HTR1F: variants seen among roughly 807,000 people sequenced by gnomAD.
The protein encoded by HTR1F is 5-hydroxytryptamine receptor 1F.
A neutral mutation model predicts 24.0 loss-of-function variants in HTR1F; 17 were observed. The ratio of observed to expected loss-of-function variants is 0.71; its 90% CI spans 0.48 to 1.06. The LOEUF (loss-of-function observed/expected upper bound fraction) is 1.06, where lower values mean the gene tolerates loss of function less well. Among genes scored for constraint, HTR1F ranks in the 50% least tolerant of loss-of-function variants. HTR1F has a pLI of 0.00. For missense variants in HTR1F, 391 were observed against 427.8 expected (o/e 0.91, Z 0.76); for synonymous variants, 186 against 156.8 (o/e 1.19, Z -1.39).
chr3:87,904,980 T>C (rs1353388995), intron 2 of HTR1F, among the ~76,000 whole-genome samples: 2 of 152,082 alleles, frequency 1.3e-5, no homozygotes, highest in African/African-American at 4.8e-5. Context: ...TGATGAATTA[T>C]GTATTCTTCA....
intron 2 of HTR1F, among the ~76,000 whole-genome samples, chr3:87,891,560 C>T (rs1259160606): frequency 3.3e-5 from 5 of 152,158 alleles, no homozygotes; most frequent in African/African-American, 1.2e-4. Context: ...CCTTACATTG[C>T]TTTTCTTTGC....
intron 2 of HTR1F, among the ~76,000 whole-genome samples, chr3:87,946,144 A>G (rs1191468322): frequency 6.6e-6 from 1 of 152,192 alleles, no homozygotes; most frequent in Non-Finnish European, 1.5e-5. Flanking sequence ...CTTTAGCCCA[A>G]TCGGGAGCGG....
intron 2 of HTR1F, among the ~76,000 whole-genome samples, chr3:87,881,498 G>A (rs886107217): frequency 1.3e-5 from 2 of 152,152 alleles, no homozygotes; most frequent in South Asian, 2.1e-4. Flanking sequence ...ACCTCTGGGG[G>A]CAGGGAATGG....
chr3:87,885,172 T>C (rs1705907135), intron 2 of HTR1F, among the ~76,000 whole-genome samples: 2 of 152,084 alleles, frequency 1.3e-5, no homozygotes, highest in African/African-American at 2.4e-5. Flanking sequence ...AAATTAGAAC[T>C]CAGGATTAAG....
At chr3:87,955,684 C>A (rs1377633331) in intron 2 of HTR1F, among the ~76,000 whole-genome samples, 1 of 151,428 alleles carries the variant, frequency 6.6e-6, no homozygotes, top group East Asian at 1.9e-4. Flanking sequence ...ATTCTGTATG[C>A]TCCATATTTC....
intron 2 of HTR1F, among the ~76,000 whole-genome samples, chr3:87,926,980 C>T (rs977660627): frequency 1.3e-5 from 2 of 152,012 alleles, no homozygotes; most frequent in Non-Finnish European, 2.9e-5. Context: ...ACAAGAAGGG[C>T]AACAATTGCT....
chr3:87,857,656 C>T (rs1405280342), intron 2 of HTR1F, among the ~76,000 whole-genome samples: 2 of 151,998 alleles, frequency 1.3e-5, no homozygotes, highest in African/African-American at 4.8e-5. Flanking sequence ...CATATATCCC[C>T]ACATATGCAT....
At chr3:87,983,309 T>C (rs1183495572) in intron 2 of HTR1F, among the ~76,000 whole-genome samples, 1 of 152,120 alleles carries the variant, frequency 6.6e-6, no homozygotes. Context: ...ACATGGCAAA[T>C]ATAGGCAAGG....
intron 2 of HTR1F, among the ~76,000 whole-genome samples, chr3:87,934,094 C>T (rs548378433): frequency 3.3e-5 from 5 of 152,292 alleles, no homozygotes; most frequent in African/African-American, 1.2e-4. Flanking sequence ...CCCATACTTC[C>T]TTCTAATTTG....
At chr3:87,966,901 G>T (rs1393918) in intron 2 of HTR1F, among the ~76,000 whole-genome samples, 76,198 of 151,528 alleles carry the variant, frequency 0.5, 21,857 homozygotes, top group South Asian at 0.7. Context: ...GGATTTCCAA[G>T]AAATAATTTG....
At chr3:87,866,997 T>C (rs991389795) in intron 2 of HTR1F, among the ~76,000 whole-genome samples, 2 of 151,922 alleles carry the variant, frequency 1.3e-5, no homozygotes, top group African/African-American at 2.4e-5. Context: ...TAATTAAGTT[T>C]ATAAACAAAA....
At chr3:87,854,034 T>C (rs1705148348) in intron 2 of HTR1F, among the ~76,000 whole-genome samples, 2 of 152,084 alleles carry the variant, frequency 1.3e-5, no homozygotes, top group Admixed American at 1.3e-4. Context: ...TATGTTATCC[T>C]GGTACCTTTT....
At chr3:87,853,743 A>C (rs1705139255) in intron 2 of HTR1F, among the ~76,000 whole-genome samples, 1 of 152,074 alleles carries the variant, frequency 6.6e-6, no homozygotes, top group South Asian at 2.1e-4. Flanking sequence ...TTGACTTTCT[A>C]ATAATAGCCT....
chr3:87,942,276 G>A (rs1052546507), intron 2 of HTR1F, among the ~76,000 whole-genome samples: 4 of 152,266 alleles, frequency 2.6e-5, no homozygotes, highest in East Asian at 1.9e-4. Flanking sequence ...AGTGGCTGGG[G>A]GAAGTATCTA....
intron 2 of HTR1F, among the ~76,000 whole-genome samples, chr3:87,986,414 C>T (rs1449949693): frequency 6.6e-6 from 1 of 152,060 alleles, no homozygotes; most frequent in Non-Finnish European, 1.5e-5. Flanking sequence ...TGGAAAGCTG[C>T]AATATAAGTT....
At chr3:87,974,764 C>T (rs372404896) in intron 2 of HTR1F, among the ~76,000 whole-genome samples, 1 of 152,106 alleles carries the variant, frequency 6.6e-6, no homozygotes, top group South Asian at 2.1e-4. Context: ...CAATATTCTT[C>T]CTGATTGCAT....
intron 2 of HTR1F, among the ~76,000 whole-genome samples, chr3:87,874,816 G>A (rs973074739): frequency 1.1e-4 from 17 of 152,062 alleles, no homozygotes; most frequent in African/African-American, 3.1e-4. Flanking sequence ...CTAGTGGAAC[G>A]TAATAGAAAG....
intron 2 of HTR1F, among the ~76,000 whole-genome samples, chr3:87,935,960 C>A (rs555122723): frequency 1.4e-3 from 206 of 152,216 alleles, no homozygotes; most frequent in South Asian, 4.4e-3. Context: ...AAGCGATCCT[C>A]CTGCCTCAGC....
At chr3:87,924,310 T>C (rs916262468) in intron 2 of HTR1F, among the ~76,000 whole-genome samples, 3 of 152,148 alleles carry the variant, frequency 2.0e-5, no homozygotes, top group Non-Finnish European at 4.4e-5. Context: ...CTTGTAAGGT[T>C]CTTATTGATA....
Sources: allele counts gnomAD v4.1 joint callset (sites outside exome capture counted in the v4.1 genomes callset), GRCh38; gene constraint gnomAD v4.1.1; transcripts MANE v1.5; gene names NCBI Gene and HGNC (gene_info 2026-07-23, HGNC 2026-07-21).